EOGT: variants seen among roughly 807,000 people sequenced by gnomAD.
EOGT encodes the protein EGF domain specific O-linked N-acetylglucosamine transferase.
EOGT carries 55 observed loss-of-function variants against 70.5 expected under a neutral mutation model. The ratio of observed to expected loss-of-function variants is 0.78; its 90% CI spans 0.63 to 0.98. The LOEUF (loss-of-function observed/expected upper bound fraction) is 0.98, where lower values mean the gene tolerates loss of function less well. Among genes scored for constraint, EOGT ranks in the 50% least tolerant of loss-of-function variants. The probability of loss-of-function intolerance (pLI) is 0.00; values close to 1 mark genes in which losing one functional copy is unlikely to be tolerated. For synonymous variants in EOGT, 246 were observed against 217.1 expected (o/e 1.13, Z -1.17); for missense variants, 703 against 641.9 (o/e 1.10, Z -1.03).
chr3:68,989,641 G>A (rs66614734), intron 10 of EOGT, among the ~76,000 whole-genome samples: 54,797 of 150,904 alleles, frequency 0.36, 10,386 homozygotes, highest in East Asian at 0.54. Flanking sequence ...CCAGCTACTC[G>A]GGAGGCTGAG....
intron 13 of EOGT, chr3:68,987,924 G>T: frequency 3.1e-6 from 1 of 322,214 alleles, no homozygotes; most frequent in Non-Finnish European, 5.7e-6. Context: ...AATGTTTTTG[G>T]GTTTTGTTTT....
chr3:69,009,933 CAAA>C lies in EOGT; in HGVS notation c.-14-76_-14-74del, dbSNP rs60324569. On this transcript the variant is annotated intron_variant, in intron 3 of 17. Transcript: ENST00000383701. ...GCCAAAACAACAACAACAACAACAA[CAAA>C]AAAAAAAAAAAAACAAAGGGTCAAG... 1.0e-3 allele frequency: 260 copies of C among 255,712 alleles called. 1 individual carries two copies. The highest frequency in any genetic ancestry group is 2.1e-3 in the South Asian group (45 of 21,090). 15.8% of individuals were successfully genotyped at this position (255,712 alleles called of 1,614,324 possible).
At chr3:68,982,222 A>G (rs1307693314) in intron 15 of EOGT, among the ~76,000 whole-genome samples, 1 of 152,102 alleles carries the variant, frequency 6.6e-6, no homozygotes, top group Non-Finnish European at 1.5e-5. Context: ...CAATTTTTTA[A>G]AATTATGAAA....
intron 13 of EOGT, 86 bp downstream of exon 13, chr3:68,988,209 T>C (rs1015521346): frequency 6.3e-5 from 60 of 946,308 alleles, no homozygotes; most frequent in Non-Finnish European, 8.9e-5. Flanking sequence ...GGTCTCCTGA[T>C]TATTTCTGTT....
rs35545453 is a variant in EOGT at position 68,982,812 on chromosome 3, T to C, written c.1213A>G (p.Arg405Gly). Residue 405 changes from arginine to glycine, a missense_variant and splice_region_variant, in exon 15 of 18, where the codon AGA becomes GGA. Transcript: ENST00000383701. ...FEVQIVDYKYRELGFLDQLRI... is the reference protein window; with the variant it reads ...FEVQIVDYKYGELGFLDQLRI... ...CTGCTGAGATTGGCTATTACTTACC[T>C]ATACTTGTAATCAACAATCTGGACT... 26,241 of 1,605,510 alleles carry C rather than the reference T, an allele frequency of 0.016. 1,197 individuals are homozygous for C. In the Admixed American group the frequency reaches 0.18, roughly 11 times the overall value.
rs1467791062 is a variant in EOGT at position 69,005,236 on chromosome 3, T to A, written c.421-2A>T. On this transcript the variant is annotated splice_acceptor_variant, in intron 6 of 17. Transcript: ENST00000383701. LOFTEE classifies it high-confidence loss of function. ...GGAACACACCAGACTTGAGTCACTC[T>A]GAAGGTTGAGCAAAAGAAAAGAATG... 6.4e-7 allele frequency: 1 copy of A among 1,559,046 alleles called. No individual in the cohort carries two copies. The highest frequency in any genetic ancestry group is 8.8e-7 in the Non-Finnish European group (1 of 1,135,280).
At chr3:68,993,870 C>G (rs6792946) in intron 10 of EOGT, among the ~76,000 whole-genome samples, 3,155 of 152,226 alleles carry the variant, frequency 0.021, 117 homozygotes, top group African/African-American at 0.073. Flanking sequence ...ATAAACCCAT[C>G]AGATCTCATG....
At chr3:68,996,665 C>T (rs564833049) in intron 10 of EOGT, among the ~76,000 whole-genome samples, 3 of 152,286 alleles carry the variant, frequency 2.0e-5, no homozygotes, top group Admixed American at 6.5e-5. Flanking sequence ...TCTCCTTGCA[C>T]CTGAGCTGTG....
intron 9 of EOGT, 146 bp from the exon 10 acceptor site, chr3:68,998,260 T>C (rs1167790931): frequency 5.1e-6 from 3 of 591,650 alleles, no homozygotes; most frequent in East Asian, 3.1e-5. Flanking sequence ...TTTCCAAACA[T>C]GAAATGATCT....
At chr3:68,995,077 T>C (rs1177341037) in intron 10 of EOGT, among the ~76,000 whole-genome samples, 10 of 152,070 alleles carry the variant, frequency 6.6e-5, no homozygotes, top group Non-Finnish European at 1.5e-4. Flanking sequence ...TTGGAAAATA[T>C]CACCAAGATG....
intron 12 of EOGT, 24 bp downstream of exon 12, chr3:68,988,482 G>A (rs9310136): frequency 6.6e-7 from 1 of 1,504,782 alleles, no homozygotes; most frequent in East Asian, 2.5e-5. Context: ...AAATATGAAT[G>A]CTAATGGTAG....
chr3:69,007,507 C>CCGG (rs1553673401), intron 6 of EOGT, among the ~76,000 whole-genome samples: 21 of 24,776 alleles, frequency 8.5e-4, no homozygotes, highest in African/African-American at 2.9e-3. Context: ...TAAAAATTAG[C>CCGG]GGGGGGGGGT....
chr3:68,991,871 C>G (rs1197285214), intron 10 of EOGT, among the ~76,000 whole-genome samples: 1 of 152,166 alleles, frequency 6.6e-6, no homozygotes, highest in East Asian at 1.9e-4. Context: ...AGGTGAAAGA[C>G]ACTTCTTACA....
chr3:69,009,563 G>T, intron 4 of EOGT, 74 bp downstream of exon 4: 1 of 1,184,906 alleles, frequency 8.4e-7, no homozygotes, highest in Non-Finnish European at 1.2e-6. Context: ...TCAGTTTCAG[G>T]TTATAAAGCA....
At chr3:68,978,268 T>A in intron 17 of EOGT, 65 bp downstream of exon 17, 1 of 1,146,580 alleles carries the variant, frequency 8.7e-7, no homozygotes. Flanking sequence ...ATTTTTCATA[T>A]CAATAATTGG....
Position 68,988,320 on chromosome 3 carries a change from A to G in EOGT, c.1058T>C (p.Leu353Pro). Residue 353 changes from leucine (L) to proline (P), a missense_variant, in exon 13 of 18, where the codon CTA becomes CCA. By Grantham distance (98) the Leu-to-Pro change is moderately conservative (BLOSUM62 -3). Transcript: ENST00000383701. The part of the protein sequence containing the change: ...RAFAQHVLHR[L>P]NITQEGPKDG... The stretch of plus-strand genomic sequence containing the variant: ...CTTAGGTCCTTCTTGTGTGATGTTT[A>G]GTCTGTGTAGTACATGCTGGGCAAA... 2 of 1,535,962 alleles carry G rather than the reference A, an allele frequency of 1.3e-6. No homozygotes were observed. The highest frequency in any genetic ancestry group is 1.7e-6 in the Non-Finnish European group (2 of 1,146,728).
At chr3:68,982,619 C>T (rs752347860) in intron 15 of EOGT, 192 bp downstream of exon 15, 10 of 407,056 alleles carry the variant, frequency 2.5e-5, no homozygotes, top group Non-Finnish European at 3.9e-5. Flanking sequence ...CAACATCAGG[C>T]CCCAGAAAGC....
chr3:68,987,556 G>C (rs4855542), intron 13 of EOGT, 43 bp from the exon 14 acceptor site: 2 of 1,439,164 alleles, frequency 1.4e-6, no homozygotes, highest in East Asian at 2.3e-5. Context: ...GCATATGCCT[G>C]GGTAGATGAA....
chr3:68,982,864 AT>A lies in EOGT; in HGVS notation c.1160del (p.Asn387MetfsTer3). 1.2e-6 allele frequency: 2 copies of A among 1,601,614 alleles called. No individual in the cohort carries two copies. The highest frequency in any genetic ancestry group is 8.5e-7 in the Non-Finnish European group (1 of 1,174,094). On this transcript the variant is annotated frameshift_variant, in exon 15 of 18. Coordinates refer to ENST00000383701, the MANE Select transcript of EOGT (RefSeq NM_001278689.2). LOFTEE classifies it high-confidence loss of function. ...CAAATGTAGATACTGTTTTCAGTGC[AT>A]TTACAAGCTGGGAAAAAAAGAGAAA... Reference protein sequence around the residue: ...RKILNQNELVNALKTVSTFEV... With the variant: ...RKILNQNELVXALKTVSTFEV...
Sources: gnomAD v4.1 joint callset for allele counts (sites outside exome capture counted in the v4.1 genomes callset) on GRCh38, gnomAD v4.1.1 for gene constraint, MANE v1.5 for transcripts, NCBI Gene and HGNC (gene_info 2026-07-23, HGNC 2026-07-21) for gene names.